The following TENM4 variants were observed in gnomAD, a reference collection of about 807,000 sequenced individuals.
TENM4 encodes teneurin transmembrane protein 4.
Under a neutral mutation model 243.3 loss-of-function variants are expected in TENM4, and 82 were observed. The observed-to-expected ratio is 0.34, with a 90% CI of 0.28 to 0.40. The LOEUF (loss-of-function observed/expected upper bound fraction) is 0.40, where lower values mean the gene tolerates loss of function less well. Among genes scored for constraint, TENM4 ranks in the 10% least tolerant of loss-of-function variants. The probability of loss-of-function intolerance (pLI) is 1.00; values close to 1 mark genes in which losing one functional copy is unlikely to be tolerated. For missense variants in TENM4, 3,138 were observed against 3,673.3 expected, an observed-to-expected ratio of 0.85 and a Z score of 3.77; for synonymous variants, 1,412 against 1,456.3, an observed-to-expected ratio of 0.97 and a Z score of 0.69.
chr11:79,238,948 C>T (rs67615308), intron 2 of TENM4, among the ~76,000 whole-genome samples: 21,247 of 152,160 alleles, frequency 0.14, 1,473 homozygotes, highest in Middle Eastern at 0.26. Flanking sequence ...TCGCTTAAAC[C>T]TGGAAGGCAG....
chr11:79,005,009 A>C (rs920282586), intron 6 of TENM4, among the ~76,000 whole-genome samples: 7 of 151,868 alleles, frequency 4.6e-5, no homozygotes, highest in South Asian at 2.1e-4. Flanking sequence ...CTAGAAAACT[A>C]AGTAGGAATT....
intron 1 of TENM4, among the ~76,000 whole-genome samples, chr11:79,365,361 G>A (rs919174022): frequency 5.3e-5 from 8 of 152,074 alleles, no homozygotes; most frequent in Non-Finnish European, 1.0e-4. Context: ...TCAGACAGCC[G>A]AAAAGCTCCC....
chr11:78,973,091 T>C (rs1048013031), intron 6 of TENM4, among the ~76,000 whole-genome samples: 2 of 152,278 alleles, frequency 1.3e-5, no homozygotes, highest in African/African-American at 4.8e-5. Flanking sequence ...CTTGGGTTGA[T>C]TCAAACTTTG....
intron 6 of TENM4, among the ~76,000 whole-genome samples, chr11:79,011,030 T>C (rs1188889848): frequency 6.6e-6 from 1 of 152,186 alleles, no homozygotes; most frequent in Non-Finnish European, 1.5e-5. Context: ...ACAAAACACA[T>C]AGTAGAATGT....
At chr11:79,228,722 T>G (rs190334445) in intron 2 of TENM4, among the ~76,000 whole-genome samples, 24 of 152,292 alleles carry the variant, frequency 1.6e-4, no homozygotes, top group African/African-American at 5.1e-4. Flanking sequence ...AAAAGTCTCC[T>G]GTTTTTTAAT....
chr11:78,952,563 G>A (rs1046439991), intron 6 of TENM4, among the ~76,000 whole-genome samples: 1 of 152,248 alleles, frequency 6.6e-6, no homozygotes, highest in African/African-American at 2.4e-5. Flanking sequence ...GCTAAGAGGA[G>A]CAGCATTTTG....
chr11:79,064,709 A>AC, intron 6 of TENM4, 29 bp downstream of exon 6: 1 of 1,551,256 alleles, frequency 6.4e-7, no homozygotes, highest in Non-Finnish European at 8.7e-7. Context: ...CCACCCAGGC[A>AC]CCCGGCACAG....
Position 79,071,391 on chromosome 11 carries a change from T to C in TENM4, c.-65-1382A>G, listed in dbSNP as rs980733628. Among the ~76,000 whole-genome samples the C allele has an allele frequency of 2.6e-5, 4 of 151,112 alleles. No individual in the cohort carries two copies. The South Asian group carries it at 6.3e-4, about 24-fold the overall frequency. ...AAATGCTGCCAACATCAGATCTCAG[T>C]GTCCAGGGTGGGGCCTTGACAGCTG... On this transcript the variant is annotated intron_variant, in intron 4 of 33. Transcript: ENST00000278550.
chr11:79,429,090 G>A (rs1170948512), intron 1 of TENM4, among the ~76,000 whole-genome samples: 4 of 152,198 alleles, frequency 2.6e-5, no homozygotes, highest in Admixed American at 2.6e-4. Flanking sequence ...GCAGCTCAGA[G>A]AAACAGGTGT....
intron 1 of TENM4, among the ~76,000 whole-genome samples, chr11:79,362,300 A>G (rs1253118553): frequency 6.6e-6 from 1 of 152,240 alleles, no homozygotes; most frequent in Non-Finnish European, 1.5e-5. Context: ...CAGCTGCTGC[A>G]TGTCAGCAGA....
intron 5 of TENM4, among the ~76,000 whole-genome samples, chr11:79,066,670 GCA>G (rs1344163507): frequency 6.0e-5 from 9 of 150,716 alleles, no homozygotes; most frequent in East Asian, 2.0e-4. Flanking sequence ...ACATGCACAT[GCA>G]CACACACGCA....
intron 3 of TENM4, among the ~76,000 whole-genome samples, chr11:79,179,337 A>G (rs938910161): frequency 3.3e-5 from 5 of 152,228 alleles, no homozygotes; most frequent in African/African-American, 1.2e-4. Flanking sequence ...TTCTTGGAAC[A>G]CAGCCACAAC....
At chr11:78,773,459 T>C (rs1856680704) in intron 17 of TENM4, among the ~76,000 whole-genome samples, 1 of 152,100 alleles carries the variant, frequency 6.6e-6, no homozygotes, top group South Asian at 2.1e-4. Flanking sequence ...CTTTACCTTC[T>C]CTCTATTTTG....
chr11:79,112,122 C>A (rs118132659), intron 4 of TENM4, among the ~76,000 whole-genome samples: 1 of 152,150 alleles, frequency 6.6e-6, no homozygotes, highest in East Asian at 1.9e-4. Flanking sequence ...GCCATGAACA[C>A]GTTCCGCCAT....
At position 78,926,629 on chromosome 11, in the gene TENM4, A is replaced by G. The variant is rs138580287; in HGVS notation, c.494-23106T>C. On this transcript the variant is annotated intron_variant, in intron 6 of 33. Transcript: ENST00000278550. The stretch of plus-strand genomic sequence containing the variant: ...TAAAATGTAACTTTTAAAATTTTGT[A>G]CACATATCACTTTCATTTAGAAATA... 1.2e-4 allele frequency among the ~76,000 whole-genome samples: 18 copies of G among 151,694 alleles called. No homozygotes were observed. The East Asian group carries it at 2.9e-3, about 24-fold the overall frequency.
intron 6 of TENM4, among the ~76,000 whole-genome samples, chr11:79,031,461 G>C (rs1859235635): frequency 6.6e-6 from 1 of 152,168 alleles, no homozygotes; most frequent in Admixed American, 6.6e-5. Flanking sequence ...TAGGCACCAG[G>C]AAGCCAGAAG....
At chr11:78,873,863 G>GC (rs1565417299) in intron 9 of TENM4, among the ~76,000 whole-genome samples, 1 of 151,904 alleles carries the variant, frequency 6.6e-6, no homozygotes, top group Non-Finnish European at 1.5e-5. Context: ...AGCCTGCCTG[G>GC]CCATCTAGCC....
At chr11:79,070,919 T>A (rs911846493) in intron 4 of TENM4, among the ~76,000 whole-genome samples, 3 of 152,232 alleles carry the variant, frequency 2.0e-5, no homozygotes, top group Non-Finnish European at 4.4e-5. Context: ...ACTCAGAGAA[T>A]GTCCCTCACC....
intron 9 of TENM4, among the ~76,000 whole-genome samples, chr11:78,870,310 T>C (rs970475536): frequency 2.6e-5 from 4 of 152,202 alleles, no homozygotes; most frequent in African/African-American, 9.6e-5. Flanking sequence ...TACTGCCTTT[T>C]TCTTCTTTCT....
Sources: gnomAD v4.1 joint callset for allele counts (sites outside exome capture counted in the v4.1 genomes callset) on GRCh38, gnomAD v4.1.1 for gene constraint, MANE v1.5 for transcripts, NCBI Gene and HGNC (gene_info 2026-07-23, HGNC 2026-07-21) for gene names.